The following TRIM35 variants were observed in gnomAD, a reference collection of about 807,000 sequenced individuals.
TRIM35 encodes tripartite motif containing 35, also known as E3 ubiquitin-protein ligase TRIM35.
TRIM35 carries 37 observed loss-of-function variants against 49.1 expected under a neutral mutation model. That is an observed-to-expected ratio of 0.75 (90% confidence interval 0.58 to 0.99). TRIM35 has a LOEUF of 0.99. Among genes scored for constraint, TRIM35 ranks in the 50% least tolerant of loss-of-function variants. The pLI is 0.00. For missense variants in TRIM35, 648 were observed against 702.7 expected, an observed-to-expected ratio of 0.92 and a Z score of 0.88; for synonymous variants, 302 against 289.3, an observed-to-expected ratio of 1.04 and a Z score of -0.45.
chr8:27,295,654 T>A (rs764655009), intron 2 of TRIM35, among the ~76,000 whole-genome samples: 5 of 152,220 alleles, frequency 3.3e-5, no homozygotes, highest in Non-Finnish European at 7.3e-5. Flanking sequence ...ATTTATTGAA[T>A]ACTGTACTGA....
At chr8:27,291,652 A>T (rs1280739885) in intron 3 of TRIM35, among the ~76,000 whole-genome samples, 1 of 152,224 alleles carries the variant, frequency 6.6e-6, no homozygotes, top group African/African-American at 2.4e-5. Context: ...AACCCAAATG[A>T]CCACTGTCTT....
rs1255084298 is a variant in TRIM35, at chr8:27,298,484, C to G, written c.511G>C (p.Ala171Pro). 2 of 1,614,100 alleles carry G rather than the reference C, an allele frequency of 1.2e-6. No homozygotes were observed. The highest frequency in any genetic ancestry group is 3.3e-5 in the Admixed American group (2 of 60,010). The change falls in exon 2 of 6, where the codon GCC becomes CCC. Residue 171 changes from alanine to proline, a missense_variant. Physicochemically the swap from Ala to Pro is conservative, Grantham distance 27 (BLOSUM62 -1). Coordinates refer to ENST00000305364, the MANE Select transcript of TRIM35 (RefSeq NM_171982.5). ...AFWAMRRSYE[A>P]IAKHNQVEAA... ...CTCACCTGATTGTGCTTGGCGATGG[C>G]CTCATAGGAGCGCCGCATGGCCCAG... is the stretch of plus-strand genomic sequence containing the variant.
In TRIM35 at chr8:27,288,045, G is replaced by A; in HGVS notation, c.987C>T (p.Tyr329=). 6.2e-7 allele frequency: 1 copy of A among 1,613,490 alleles called. No homozygotes were observed. Among genetic ancestry groups the A allele is most frequent in the Non-Finnish European group, 8.5e-7 (1 of 1,180,020 alleles). Residue 329 remains tyrosine (Y), a synonymous_variant, in exon 6 of 6, where the codon TAC becomes TAT. Coordinates refer to ENST00000305364, the MANE Select transcript of TRIM35 (RefSeq NM_171982.5). The stretch of plus-strand genomic sequence containing the variant: ...GTTCCGGGTTCTCCACCTGCACGCG[G>A]TAGCCATGGTTGGTGACGCTGGTGA... The part of the protein sequence containing the change: ...DDLTSVTNHG[Y]RVQVENPERF...
intron 1 of TRIM35, among the ~76,000 whole-genome samples, chr8:27,300,273 G>T (rs1802656081): frequency 6.6e-6 from 1 of 152,214 alleles, no homozygotes; most frequent in Non-Finnish European, 1.5e-5. Flanking sequence ...AGCCCCTCAT[G>T]ACAGACCTTG....
chr8:27,307,996 A>G (rs1314007646), intron 1 of TRIM35, among the ~76,000 whole-genome samples: 1 of 152,156 alleles, frequency 6.6e-6, no homozygotes, highest in African/African-American at 2.4e-5. Flanking sequence ...CAGGGTCCTT[A>G]TGAGAGGGAG....
intron 1 of TRIM35, 24 bp downstream of exon 1, chr8:27,310,777 C>A: frequency 6.4e-7 from 1 of 1,550,768 alleles, no homozygotes; most frequent in Non-Finnish European, 8.7e-7. Context: ...GGCTCGGCCG[C>A]CTCGTGCAAA....
chr8:27,301,475 T>C (rs939948346), intron 1 of TRIM35, among the ~76,000 whole-genome samples: 6 of 152,254 alleles, frequency 3.9e-5, no homozygotes, highest in Non-Finnish European at 1.5e-5. Context: ...GCAATGTTAA[T>C]AGAAAATGTT....
chr8:27,308,381 T>C (rs533508278), intron 1 of TRIM35, among the ~76,000 whole-genome samples: 1 of 152,310 alleles, frequency 6.6e-6, no homozygotes, highest in African/African-American at 2.4e-5. Flanking sequence ...CTCACATAGA[T>C]AGTTGGCAAA....
At chr8:27,293,937 G>A in intron 3 of TRIM35, 143 bp downstream of exon 3, 1 of 689,348 alleles carries the variant, frequency 1.5e-6, no homozygotes, top group East Asian at 2.7e-5. Context: ...GACACAAGCA[G>A]AGCAGGTTAC....
intron 3 of TRIM35, 36 bp downstream of exon 3, chr8:27,294,044 G>A (rs773105963): frequency 3.1e-6 from 5 of 1,597,782 alleles, no homozygotes; most frequent in Admixed American, 1.7e-5. Context: ...TGGAACATGT[G>A]GCCCTGTCAC....
In TRIM35 at chr8:27,309,586, G is replaced by T. The variant is rs113757258; in HGVS notation, c.435+1215C>A. On this transcript the variant is annotated intron_variant, in intron 1 of 5. Coordinates refer to ENST00000305364, the MANE Select transcript of TRIM35 (RefSeq NM_171982.5). ...GGGCAGCTCCTCCTCTCCAGTCCATGCAGCTTCGGGCCAGCTACCCAGTGT... is the reference window on the plus strand; with the variant it reads ...GGGCAGCTCCTCCTCTCCAGTCCATTCAGCTTCGGGCCAGCTACCCAGTGT... 2.0e-5 allele frequency among the ~76,000 whole-genome samples: 3 copies of T among 152,196 alleles called. No homozygotes were observed. The East Asian group carries it at 5.8e-4, about 29-fold the overall frequency.
chr8:27,302,868 T>C (rs1802706802), intron 1 of TRIM35, among the ~76,000 whole-genome samples: 1 of 152,240 alleles, frequency 6.6e-6, no homozygotes, highest in Non-Finnish European at 1.5e-5. Flanking sequence ...AACCATATTA[T>C]CTACACATGC....
Position 27,286,191 on chromosome 8 carries a change from C to G in TRIM35, c.*1359G>C. 2 of 456,088 alleles carry G rather than the reference C, an allele frequency of 4.4e-6. No homozygotes were observed. Among genetic ancestry groups the G allele is most frequent in the South Asian group, 3.1e-5 (2 of 64,546 alleles). The allele number at this position is 456,088 out of a possible 1,614,324, so 28.3% of individuals were successfully genotyped here. On this transcript the variant is annotated 3_prime_UTR_variant, in exon 6 of 6. Coordinates refer to ENST00000305364, the MANE Select transcript of TRIM35 (RefSeq NM_171982.5). ...ATGCCACTTCCTGGGACATGATGAG[C>G]TGAAGATTAAAAACTCTTCAGAGAT...
Position 27,287,619 on chromosome 8 carries a change from G to A in TRIM35, c.1413C>T (p.Gly471=), listed in dbSNP as rs148537365. 64 of 1,607,102 alleles carry A rather than the reference G, an allele frequency of 4.0e-5. No individual in the cohort carries two copies. The African/African-American group carries it at 6.1e-4, about 15-fold the overall frequency. The change falls in exon 6 of 6, where the codon GGC becomes GGT. Residue 471 remains glycine, a synonymous_variant. Coordinates refer to ENST00000305364, the MANE Select transcript of TRIM35 (RefSeq NM_171982.5). The surrounding 1 kb of genome is among the most constrained non-coding windows in gnomAD (Gnocchi z 6.0). ...TGCGCAAAGGCTCTGGAGGCCCGGC[G>A]CCCCGTGCACCCCCCAGGTAGAAGT... ...RPYFYLGGAR[G]AGPPEPLRIC... is the part of the protein sequence containing the mutation.
rs377763568 is a variant in TRIM35, at chr8:27,287,831, G to A, written c.1201C>T (p.Arg401Cys). The change falls in exon 6 of 6, where the codon CGC becomes TGC. Residue 401 changes from arginine (R) to cysteine (C), a missense_variant. By Grantham distance (180) the Arg-to-Cys change is radical. Coordinates refer to ENST00000305364, the MANE Select transcript of TRIM35 (RefSeq NM_171982.5). The surrounding 1 kb of genome is among the most constrained non-coding windows in gnomAD (Gnocchi z 6.0). ...TGGTCCCCCTCCACGCCCTGCGTGCGGCAGACATACCAGAAGCCCGAGCGT... is the reference window on the plus strand; with the variant it reads ...TGGTCCCCCTCCACGCCCTGCGTGCAGCAGACATACCAGAAGCCCGAGCGT... ...DTRSGFWYVC[R>C]TQGVEGDHCV... is the part of the protein sequence containing the mutation. The A allele has an allele frequency of 6.2e-6, 10 of 1,612,364 alleles. No homozygotes were observed. Among genetic ancestry groups the A allele is most frequent in the African/African-American group, 5.3e-5 (4 of 75,034 alleles).
At chr8:27,307,386 C>T (rs1260389830) in intron 1 of TRIM35, among the ~76,000 whole-genome samples, 1 of 152,088 alleles carries the variant, frequency 6.6e-6, no homozygotes, top group Non-Finnish European at 1.5e-5. Flanking sequence ...ATCAGCTCCT[C>T]TCAGCGAAAT....
intron 2 of TRIM35, 87 bp downstream of exon 2, chr8:27,298,377 C>A: frequency 7.4e-7 from 1 of 1,354,298 alleles, no homozygotes; most frequent in Non-Finnish European, 1.0e-6. Flanking sequence ...GTTATGTGAG[C>A]CAAAGCCACG....
intron 3 of TRIM35, 81 bp downstream of exon 3, chr8:27,293,999 G>T: frequency 7.0e-7 from 1 of 1,418,620 alleles, no homozygotes; most frequent in Non-Finnish European, 9.6e-7. Flanking sequence ...GATGACGTTG[G>T]CCAGGGCTGG....
At chr8:27,288,458 G>A (rs1160807668) in intron 5 of TRIM35, among the ~76,000 whole-genome samples, 3 of 152,212 alleles carry the variant, frequency 2.0e-5, no homozygotes, top group African/African-American at 7.2e-5. Context: ...ATACACAGGG[G>A]AGAATGCTGT....
Sources: gnomAD v4.1 joint callset for allele counts (sites outside exome capture counted in the v4.1 genomes callset) on GRCh38, gnomAD v4.1.1 for gene constraint, Gnocchi (gnomAD v3.1) non-coding constraint, MANE v1.5 for transcripts, NCBI Gene and HGNC (gene_info 2026-07-23, HGNC 2026-07-21) for gene names.